The following FBXW4 variants were observed in gnomAD, a reference collection of about 807,000 sequenced individuals.
The protein encoded by FBXW4 is F-box/WD repeat-containing protein 4.
FBXW4 carries 40 observed loss-of-function variants against 61.8 expected under a neutral mutation model. The observed-to-expected ratio is 0.65, with a 90% CI of 0.50 to 0.84. The LOEUF (loss-of-function observed/expected upper bound fraction) is 0.84. FBXW4 is among the 40% of genes least tolerant of loss of function. FBXW4 has a pLI of 0.00. For synonymous variants in FBXW4, 311 were observed against 313.8 expected, an observed-to-expected ratio of 0.99 and a Z score of 0.10; for missense variants, 672 against 753.8, an observed-to-expected ratio of 0.89 and a Z score of 1.27.
chr10:101,635,941 G>A (rs1015344622), intron 5 of FBXW4, among the ~76,000 whole-genome samples: 3 of 152,010 alleles, frequency 2.0e-5, no homozygotes, highest in African/African-American at 7.2e-5. Context: ...AGGGAAGAGC[G>A]ATCTTATAAA....
intron 5 of FBXW4, among the ~76,000 whole-genome samples, chr10:101,647,312 C>A (rs1002030453): frequency 6.6e-6 from 1 of 152,206 alleles, no homozygotes; most frequent in Non-Finnish European, 1.5e-5. Context: ...AGTGCTGACC[C>A]TGTACCTTCC....
At chr10:101,688,381 T>C (rs781008235) in intron 1 of FBXW4, among the ~76,000 whole-genome samples, 12 of 152,184 alleles carry the variant, frequency 7.9e-5, no homozygotes, top group Non-Finnish European at 1.2e-4. Flanking sequence ...TGGCAATTAA[T>C]TGTGGGCTAA....
intron 1 of FBXW4, among the ~76,000 whole-genome samples, chr10:101,679,007 G>A (rs1481495780): frequency 6.6e-6 from 1 of 152,152 alleles, no homozygotes; most frequent in African/African-American, 2.4e-5. Context: ...AGTATGAAAG[G>A]TTAACAATGA....
rs548804151 is a variant in FBXW4, at chr10:101,678,448, C to A, written c.726-2012G>T. On this transcript the variant is annotated intron_variant, in intron 1 of 8. Transcript: ENST00000331272. ...TTTTTTGTTTGTTTGTTTTTTGAGA[C>A]GGAGTCTCGCTCTGTCACCCAGGCT... Among the ~76,000 whole-genome samples, 3 of 152,254 alleles carry A rather than the reference C, an allele frequency of 2.0e-5. No individual in the cohort carries two copies. The South Asian group carries it at 6.2e-4, about 32-fold the overall frequency.
chr10:101,636,337 G>A (rs901967850), intron 5 of FBXW4, among the ~76,000 whole-genome samples: 1 of 149,812 alleles, frequency 6.7e-6, no homozygotes, highest in Non-Finnish European at 1.5e-5. Flanking sequence ...CAGCCTGGGT[G>A]AGAGAGCAAG....
rs1444959687 is a variant in FBXW4, at chr10:101,672,905, A to C, written c.1140+10T>G. On this transcript the variant is annotated intron_variant, in intron 4 of 8. Transcript: ENST00000331272. ...GGGAGTAATAGTATGTAAGGGGGAG[A>C]CCACCTCACCTTGGCCGTCCTGTCC... is the stretch of plus-strand genomic sequence containing the variant. 6 of 1,613,526 alleles carry C rather than the reference A, an allele frequency of 3.7e-6. No individual in the cohort carries two copies. The highest frequency in any genetic ancestry group is 3.4e-6 in the Non-Finnish European group (4 of 1,179,846).
intron 6 of FBXW4, chr10:101,622,918 C>T (rs747156094): frequency 2.0e-5 from 3 of 152,006 alleles, no homozygotes; most frequent in South Asian, 4.1e-4. Context: ...ACTGGCATGG[C>T]TCTTATGCAA....
rs1370418759 is a variant in FBXW4, at chr10:101,694,088, A to G, written c.725+293T>C. Among the ~76,000 whole-genome samples the G allele has an allele frequency of 6.6e-6, 1 of 152,134 alleles. No homozygotes were observed. Among genetic ancestry groups the G allele is most frequent in the Admixed American group, 6.5e-5 (1 of 15,278 alleles). ...GGCAGCTAAACCTCTGCAAAAACAC[A>G]CAATCGAAAGCTGTAGGGAGTGCCT... On this transcript the variant is annotated intron_variant, in intron 1 of 8. Transcript: ENST00000331272. This position sits in a 1 kb window ranked among gnomAD's most constrained non-coding sequence, Gnocchi z 6.0.
intron 6 of FBXW4, among the ~76,000 whole-genome samples, chr10:101,618,026 AG>A (rs2063839428): frequency 6.6e-6 from 1 of 152,252 alleles, no homozygotes; most frequent in Non-Finnish European, 1.5e-5. Flanking sequence ...GGGCCAGGGC[AG>A]ACAAAGCCAC....
chr10:101,685,924 A>T (rs1009686530), intron 1 of FBXW4, among the ~76,000 whole-genome samples: 16 of 152,238 alleles, frequency 1.1e-4, no homozygotes, highest in African/African-American at 2.4e-5. Flanking sequence ...CCCTTCCTTA[A>T]AATGTGTAAC....
intron 5 of FBXW4, among the ~76,000 whole-genome samples, chr10:101,643,875 A>G (rs1255856297): frequency 1.3e-5 from 2 of 152,144 alleles, no homozygotes; most frequent in African/African-American, 2.4e-5. Flanking sequence ...AAAATTTCTA[A>G]TAAGCAGTTT....
intron 5 of FBXW4, among the ~76,000 whole-genome samples, chr10:101,631,100 CCTAG>C (rs1007288672): frequency 6.6e-6 from 1 of 152,150 alleles, no homozygotes; most frequent in African/African-American, 2.4e-5. Flanking sequence ...GAACAAGATG[CCTAG>C]CTAAAGCTTG....
rs56232127 is a variant in FBXW4 at position 101,676,711 on chromosome 10, G to GAAAAAAAAAAAA, written c.726-287_726-276dup. The GAAAAAAAAAAAA allele has an allele frequency of 1.0e-3, 66 of 64,740 alleles. 1 individual carries two copies. The highest frequency in any genetic ancestry group is 0.024 in the Middle Eastern group (1 of 42). The allele number at this position is 64,740 out of a possible 1,614,324, so 4.0% of individuals were successfully genotyped here. A position where few individuals can be genotyped will look rare whatever the true frequency, so the allele number is the denominator to read the frequency against. On this transcript the variant is annotated intron_variant, in intron 1 of 8. Transcript: ENST00000331272. Reference sequence around the variant, plus strand: ...TGGAACCACTGGATGTCCAGATTGGGAAAAAAAAAAAAAAAAAAAAAAAAA... The same window carrying GAAAAAAAAAAAA: ...TGGAACCACTGGATGTCCAGATTGGGAAAAAAAAAAAAAAAAAAAAAAAAAAAAAAAAAAAAA...
At chr10:101,677,279 T>A (rs1023653745) in intron 1 of FBXW4, among the ~76,000 whole-genome samples, 2 of 151,972 alleles carry the variant, frequency 1.3e-5, no homozygotes, top group African/African-American at 4.8e-5. Context: ...CAGGCATCCA[T>A]CAACAGGAAA....
intron 6 of FBXW4, among the ~76,000 whole-genome samples, chr10:101,620,438 T>G (rs1210805997): frequency 6.6e-6 from 1 of 152,216 alleles, no homozygotes; most frequent in Non-Finnish European, 1.5e-5. Flanking sequence ...TCCTCCAAGC[T>G]TCTCTGGGGA....
In FBXW4 at chr10:101,694,571, C is replaced by G. The variant is rs1479967405; in HGVS notation, c.535G>C (p.Ala179Pro). The G allele has an allele frequency of 6.8e-7, 1 of 1,469,960 alleles. No individual in the cohort carries two copies. Among genetic ancestry groups the G allele is most frequent in the African/African-American group, 1.5e-5 (1 of 67,870 alleles). The allele number at this position is 1,469,960 out of a possible 1,614,324, so 91.1% of individuals were successfully genotyped here. Residue 179 changes from alanine (A) to proline (P), a missense_variant, in exon 1 of 9, where the codon GCG becomes CCG. Physicochemically the swap from Ala to Pro is conservative, Grantham distance 27 (BLOSUM62 -1). Coordinates refer to ENST00000331272, the MANE Select transcript of FBXW4 (RefSeq NM_022039.4). This position sits in a 1 kb window ranked among gnomAD's most constrained non-coding sequence, Gnocchi z 6.0. ...AARESAARPA[A>P]GPALWRLPEE... ...GGCAGGCGCCAGAGCGCAGGCCCCGCGGCCGGGCGGGCAGCCGACTCCCGA... is the reference window on the plus strand; with the variant it reads ...GGCAGGCGCCAGAGCGCAGGCCCCGGGGCCGGGCGGGCAGCCGACTCCCGA...
chr10:101,654,437 T>C (rs2064169703), intron 5 of FBXW4, among the ~76,000 whole-genome samples: 2 of 152,298 alleles, frequency 1.3e-5, no homozygotes, highest in South Asian at 4.1e-4. Flanking sequence ...AATGTAGGTC[T>C]ATATATCCTT....
chr10:101,653,469 A>T (rs1279810814), intron 5 of FBXW4, among the ~76,000 whole-genome samples: 1 of 152,176 alleles, frequency 6.6e-6, no homozygotes, highest in African/African-American at 2.4e-5. Flanking sequence ...CTGAACTCCC[A>T]AACCTACCTT....
At chr10:101,680,849 T>A (rs1006111678) in intron 1 of FBXW4, among the ~76,000 whole-genome samples, 2 of 152,016 alleles carry the variant, frequency 1.3e-5, no homozygotes, top group African/African-American at 4.8e-5. Context: ...AAAGAAAAAA[T>A]TTTTACAAAG....
Sources: gnomAD v4.1 joint callset for allele counts (sites outside exome capture counted in the v4.1 genomes callset) on GRCh38, gnomAD v4.1.1 for gene constraint, Gnocchi (gnomAD v3.1) non-coding constraint, MANE v1.5 for transcripts, NCBI Gene and HGNC (gene_info 2026-07-23, HGNC 2026-07-21) for gene names.